The following NUDT16L1 variants were observed in gnomAD, a reference collection of about 807,000 sequenced individuals.
NUDT16L1 encodes tudor-interacting repair regulator protein.
A neutral mutation model predicts 17.3 loss-of-function variants in NUDT16L1; 19 were observed. The observed-to-expected ratio is 1.10, with a 90% CI of 0.77 to 1.61. The LOEUF (loss-of-function observed/expected upper bound fraction) is 1.61, where lower values mean the gene tolerates loss of function less well. NUDT16L1 is among the 40% of genes most tolerant of loss of function. NUDT16L1 has a pLI of 0.00. For missense variants in NUDT16L1, 341 were observed against 292.0 expected (o/e 1.17, Z -1.22); for synonymous variants, 255 against 138.6 (o/e 1.84, Z -5.90).
chr16:4,693,597 C>T (rs1187431269), upstream of NUDT16L1: 4 of 1,123,660 alleles, frequency 3.6e-6, no homozygotes, highest in Non-Finnish European at 4.6e-6. Flanking sequence ...GGCTCGGTCC[C>T]GGGGCGCGCC....
chr16:4,695,179 A>AG (rs2079516375), exon 3 of NUDT16L1: 2 of 1,610,676 alleles, frequency 1.2e-6, no homozygotes, highest in East Asian at 2.2e-5. Flanking sequence ...CCTCCTCTTG[A>AG]GGGCTGCCTG....
At chr16:4,695,077 G>T (rs1326009831) in exon 3 of NUDT16L1, 1 of 1,613,458 alleles carries the variant, frequency 6.2e-7, no homozygotes, top group Non-Finnish European at 8.5e-7. Context: ...TTGCCCTCAA[G>T]GTGCTCAACA....
chr16:4,694,122 C>A, exon 2 of NUDT16L1: 6 of 1,590,096 alleles, frequency 3.8e-6, no homozygotes, highest in Non-Finnish European at 5.1e-6. Flanking sequence ...CCTGAGCTCG[C>A]ACCTGACCGA....
exon 3 of NUDT16L1, chr16:4,695,116 C>T: frequency 6.2e-7 from 1 of 1,607,442 alleles, no homozygotes; most frequent in South Asian, 1.1e-5. Context: ...TGGTTGAGGC[C>T]CTGGCTGCAG....
chr16:4,694,402 C>T (rs370348993), intron 2 of NUDT16L1, 164 bp downstream of exon 2: 186 of 625,922 alleles, frequency 3.0e-4, no homozygotes, highest in African/African-American at 2.9e-3. Flanking sequence ...GCTGGGAGGC[C>T]GGGAAAGGAG....
chr16:4,694,532 G>A (rs1374907056), intron 2 of NUDT16L1: 2 of 1,474,096 alleles, frequency 1.4e-6, no homozygotes, highest in Non-Finnish European at 1.8e-6. Flanking sequence ...AGGGATGGGG[G>A]AGGAGCGGGG....
At chr16:4,695,449 C>G (rs188675045) in exon 3 of NUDT16L1, 2 of 590,260 alleles carry the variant, frequency 3.4e-6, no homozygotes, top group African/African-American at 1.9e-5. Flanking sequence ...TGGGCTCAGA[C>G]CCTCCTCTTG....
exon 3 of NUDT16L1, chr16:4,695,203 C>A: frequency 6.2e-7 from 1 of 1,604,870 alleles, no homozygotes; most frequent in East Asian, 2.2e-5. Flanking sequence ...TGGTGGCACC[C>A]TCCCCTGGGC....
intron 2 of NUDT16L1, chr16:4,694,620 T>G: frequency 7.0e-7 from 1 of 1,426,500 alleles, no homozygotes; most frequent in Non-Finnish European, 9.2e-7. Flanking sequence ...GTGAAGGCTC[T>G]TGGGATTTGT....
In NUDT16L1 at chr16:4,695,156, A is replaced by C. The variant is rs367585595; in HGVS notation, c.613A>C (p.Lys205Gln). ...CGAGAAGCAGAAGAAGGCCCTGGAG[A>C]AGTTGCTCCCGGCCTCCTCTTGAGG... The change falls in exon 3 of 3, where the codon AAG becomes CAG. Residue 205 changes from lysine to glutamine, a missense_variant. Lys to Gln is a moderately conservative substitution (Grantham distance 53, BLOSUM62 1). Coordinates refer to ENST00000304301, the Ensembl canonical transcript of NUDT16L1. 9.9e-6 allele frequency: 16 copies of C among 1,611,024 alleles called. 1 individual carries two copies. The African/African-American group carries it at 2.0e-4, about 20-fold the overall frequency.
In NUDT16L1 at chr16:4,694,336, C is replaced by T. The variant is rs2079486137; in HGVS notation, c.414+98C>T. 6.8e-6 allele frequency: 10 copies of T among 1,477,110 alleles called. No individual in the cohort carries two copies. In the East Asian group the frequency reaches 7.9e-5, roughly 12 times the overall value. 91.5% of individuals were successfully genotyped at this position (1,477,110 alleles called of 1,614,324 possible). ...AACACGTCTCCTGAGGGTCCCCTGG[C>T]CGGGCTGGGTCGGGTGTCGCTGTCT... On this transcript the variant is annotated intron_variant, in intron 2 of 2. Transcript: ENST00000304301.
exon 3 of NUDT16L1, chr16:4,695,630 G>A (rs998303584): frequency 4.8e-6 from 2 of 417,534 alleles, no homozygotes; most frequent in Non-Finnish European, 8.4e-6. Context: ...GGGAGAGCCA[G>A]CTTGGGGTAG....
At chr16:4,694,360 C>G (rs1477498089) in intron 2 of NUDT16L1, 122 bp downstream of exon 2, 8 of 1,478,960 alleles carry the variant, frequency 5.4e-6, no homozygotes, top group East Asian at 2.6e-5. Flanking sequence ...GTGTCGCTGT[C>G]TCCAGCAATG....
rs1056299602 is a variant in NUDT16L1, at chr16:4,694,564, C to T, written c.414+326C>T. 1.9e-5 allele frequency: 28 copies of T among 1,451,218 alleles called. No homozygotes were observed. The Admixed American group carries it at 2.6e-4, about 14-fold the overall frequency. The allele number at this position is 1,451,218 out of a possible 1,614,324, so 89.9% of individuals were successfully genotyped here. ...GGGGATTGCTTGGGGAGTTGGGAAA[C>T]TTGAGCACAGCGGGGGTTGTAAAAC... On this transcript the variant is annotated intron_variant, in intron 2 of 2. Coordinates refer to ENST00000304301, the Ensembl canonical transcript of NUDT16L1.
At chr16:4,695,459 G>A (rs978823959) in exon 3 of NUDT16L1, 2 of 585,776 alleles carry the variant, frequency 3.4e-6, no homozygotes, top group Non-Finnish European at 6.1e-6. Context: ...CCCTCCTCTT[G>A]TACGTCTCAT....
exon 3 of NUDT16L1, chr16:4,695,517 C>G (rs1046300674): frequency 1.8e-6 from 1 of 542,390 alleles, no homozygotes; most frequent in Non-Finnish European, 3.3e-6. Context: ...ACAGGGGTGG[C>G]GCACAGCTCT....
At chr16:4,694,889 A>G (rs2079505655) in intron 2 of NUDT16L1, 69 bp from the exon 3 acceptor site, 31 of 1,533,202 alleles carry the variant, frequency 2.0e-5, no homozygotes, top group Non-Finnish European at 2.6e-5. Flanking sequence ...CATAGCTTCC[A>G]GGCCCCTCCT....
At chr16:4,693,567 C>T, upstream of NUDT16L1, 2 of 771,618 alleles carry the variant, frequency 2.6e-6, no homozygotes, top group Non-Finnish European at 3.5e-6. Context: ...CTCTCGACGA[C>T]GCACCGCGGC....
At chr16:4,693,949 C>T (rs1425924401) in intron 1 of NUDT16L1, 29 bp from the exon 2 acceptor site, 6 of 1,521,772 alleles carry the variant, frequency 3.9e-6, no homozygotes, top group African/African-American at 1.4e-5. Context: ...TCCGTCGACC[C>T]CGCGGCTGTG....
Sources: gnomAD v4.1 joint callset for allele counts on GRCh38, gnomAD v4.1.1 for gene constraint, MANE v1.5 for transcripts, NCBI Gene and HGNC (gene_info 2026-07-23, HGNC 2026-07-21) for gene names.